SBNO1: variants seen among roughly 807,000 people sequenced by gnomAD.
SBNO1 encodes the protein protein strawberry notch homolog 1.
In SBNO1, 23 loss-of-function variants were observed where a neutral mutation model predicts 173.6. The ratio of observed to expected loss-of-function variants is 0.13; its 90% confidence interval spans 0.10 to 0.19. The LOEUF (loss-of-function observed/expected upper bound fraction) is 0.19. Ranked by LOEUF, SBNO1 falls within the 10% of genes least tolerant of loss-of-function variation. The pLI, the probability that SBNO1 is intolerant of heterozygous loss-of-function variation, is 1.00. For synonymous variants in SBNO1, 632 were observed against 571.5 expected (o/e 1.11, Z -1.51); for missense variants, 1,238 against 1,671.2 (o/e 0.74, Z 4.52).
intron 13 of SBNO1, 45 bp from the exon 14 acceptor site, chr12:123,326,379 T>C: frequency 3.0e-6 from 4 of 1,325,480 alleles, no homozygotes; most frequent in Non-Finnish European, 4.1e-6. Flanking sequence ...TCTTTGAGTC[T>C]AGTTATTTAA....
intron 2 of SBNO1, among the ~76,000 whole-genome samples, chr12:123,349,864 G>C (rs1435202408): frequency 2.0e-5 from 3 of 151,908 alleles, no homozygotes; most frequent in Non-Finnish European, 4.4e-5. Context: ...AGTGAGCTGA[G>C]ATTGCGCCAC....
chr12:123,342,522 GTACT>G (rs1367989538), intron 4 of SBNO1, among the ~76,000 whole-genome samples: 1 of 152,164 alleles, frequency 6.6e-6, no homozygotes, highest in Non-Finnish European at 1.5e-5. Context: ...TGATCTGGTG[GTACT>G]TACTAATTTT....
intron 4 of SBNO1, among the ~76,000 whole-genome samples, chr12:123,344,386 A>G (rs571137022): frequency 1.8e-3 from 273 of 152,332 alleles, no homozygotes; most frequent in African/African-American, 6.2e-3. Context: ...ACGAAAACCA[A>G]AAGACAAAAA....
At chr12:123,322,575 G>T (rs1870109530) in intron 16 of SBNO1, among the ~76,000 whole-genome samples, 1 of 151,932 alleles carries the variant, frequency 6.6e-6, no homozygotes, top group South Asian at 2.1e-4. Flanking sequence ...GGGATTACAG[G>T]CGTGAGCCAC....
chr12:123,364,116 G>A (rs1566061772), intron 1 of SBNO1: 2 of 985,608 alleles, frequency 2.0e-6, no homozygotes, highest in Non-Finnish European at 2.4e-6. Context: ...GAGGCGTGAA[G>A]GGAGCCTGCA....
At chr12:123,338,439 T>G (rs993525788) in intron 5 of SBNO1, among the ~76,000 whole-genome samples, 7 of 151,858 alleles carry the variant, frequency 4.6e-5, no homozygotes, top group African/African-American at 1.7e-4. Flanking sequence ...TCCCAGCACT[T>G]TGGGAGGCCG....
rs775152236 is a variant in SBNO1 at position 123,348,177 on chromosome 12, T to C, written c.133-44A>G. 28 of 1,077,114 alleles carry C rather than the reference T, an allele frequency of 2.6e-5. No individual in the cohort carries two copies. The Admixed American group carries it at 5.0e-4, about 19-fold the overall frequency. The allele number at this position is 1,077,114 out of a possible 1,614,324, so 66.7% of individuals were successfully genotyped here. ...CAGACAAAAAATAAAAGGACAGCAG[T>C]AAATTCTGTTTCAAGGACAAGGTTT... On this transcript the variant is annotated intron_variant, in intron 2 of 31. Transcript: ENST00000602398.
At chr12:123,327,616 A>T in intron 12 of SBNO1, 37 bp from the exon 13 acceptor site, 1 of 1,601,708 alleles carries the variant, frequency 6.2e-7, no homozygotes, top group Non-Finnish European at 8.5e-7. Flanking sequence ...TTACCAATAC[A>T]GTAGAATTTT....
chr12:123,311,748 A>ATATATATTTT (rs1255479099), intron 24 of SBNO1, among the ~76,000 whole-genome samples: 2 of 134,372 alleles, frequency 1.5e-5, no homozygotes, highest in African/African-American at 5.7e-5. Context: ...ATATATATAT[A>ATATATATTTT]TTTTTGCGAC....
chr12:123,294,081 G>C lies in SBNO1; in HGVS notation c.*1827C>G, dbSNP rs1241868739. 6.6e-6 allele frequency: 1 copy of C among 152,270 alleles called. No homozygotes were observed. The highest frequency in any genetic ancestry group is 1.5e-5 in the Non-Finnish European group (1 of 68,066). 9.4% of individuals were successfully genotyped at this position (152,270 alleles called of 1,614,324 possible). On this transcript the variant is annotated 3_prime_UTR_variant, in exon 32 of 32. Transcript: ENST00000602398. The stretch of plus-strand genomic sequence containing the variant: ...ACTGGCTGATACAAAATGGATCACT[G>C]CCTGAGATATATGAACTGGACTGAG...
chr12:123,315,263 T>A, intron 23 of SBNO1, 110 bp downstream of exon 23: 1 of 760,896 alleles, frequency 1.3e-6, no homozygotes. Flanking sequence ...TTAAAGCAAA[T>A]GCATAGGAGA....
In SBNO1 at chr12:123,302,806, A is replaced by C; in HGVS notation, c.3845+18T>G. 1 of 1,599,610 alleles carries C rather than the reference A, an allele frequency of 6.3e-7. No individual in the cohort carries two copies. Among genetic ancestry groups the C allele is most frequent in the Admixed American group, 1.7e-5 (1 of 59,430 alleles). On this transcript the variant is annotated intron_variant, in intron 30 of 31. Coordinates refer to ENST00000602398, the MANE Select transcript of SBNO1 (RefSeq NM_001167856.3). ...ATTAAATTTTGGAAAATTTGGTAGG[A>C]AACACGAAAATACTAACCAATAAGC... is the stretch of plus-strand genomic sequence containing the variant.
chr12:123,317,126 C>T, intron 21 of SBNO1, 95 bp downstream of exon 21: 1 of 1,345,708 alleles, frequency 7.4e-7, no homozygotes, highest in Non-Finnish European at 1.0e-6. Context: ...GCGTGAGCCT[C>T]TGTGCCCGGC....
chr12:123,298,300 CTT>C (rs1444218075), intron 30 of SBNO1, 129 bp from the exon 31 acceptor site: 13 of 956,190 alleles, frequency 1.4e-5, no homozygotes, highest in Non-Finnish European at 2.0e-5. Context: ...GAGTTTTGCT[CTT>C]GTTGCCCAGA....
chr12:123,297,198 A>T (rs2048627434), intron 31 of SBNO1, among the ~76,000 whole-genome samples: 1 of 150,566 alleles, frequency 6.6e-6, no homozygotes, highest in Non-Finnish European at 1.5e-5. Context: ...CATCTCCACT[A>T]AAAAAATATA....
At chr12:123,302,272 T>G (rs923763676) in intron 30 of SBNO1, among the ~76,000 whole-genome samples, 1 of 140,058 alleles carries the variant, frequency 7.1e-6, no homozygotes, top group African/African-American at 2.7e-5. Flanking sequence ...TAATGGAGTC[T>G]CGCTCTGTCC....
chr12:123,361,508 A>AT (rs763527438), intron 1 of SBNO1, among the ~76,000 whole-genome samples: 2 of 151,974 alleles, frequency 1.3e-5, no homozygotes, highest in African/African-American at 2.4e-5. Context: ...AGATCGCGCC[A>AT]TTGCACTCCA....
rs1414135437 is a variant in SBNO1 at position 123,337,436 on chromosome 12, G to GTTAAGGCAAA, written c.652-955_652-946dup. Among the ~76,000 whole-genome samples the GTTAAGGCAAA allele has an allele frequency of 1.1e-4, 16 of 152,260 alleles. No homozygotes were observed. In the East Asian group the frequency reaches 3.1e-3, roughly 29 times the overall value. ...GGAAGAGGACAACAAAAACCTACAGGTTAAGGCAAATTAAGGCAAGATCGA... is the reference window on the plus strand; with the variant it reads ...GGAAGAGGACAACAAAAACCTACAGGTTAAGGCAAATTAAGGCAAATTAAGGCAAGATCGA... On this transcript the variant is annotated intron_variant, in intron 5 of 31. Coordinates refer to ENST00000602398, the MANE Select transcript of SBNO1 (RefSeq NM_001167856.3).
intron 30 of SBNO1, among the ~76,000 whole-genome samples, chr12:123,300,797 T>TA (rs2048761224): frequency 6.6e-6 from 1 of 151,104 alleles, no homozygotes. Flanking sequence ...CTGTCTCTAC[T>TA]AAAAATACAA....
Sources: gnomAD v4.1 joint callset for allele counts (sites outside exome capture counted in the v4.1 genomes callset) on GRCh38, gnomAD v4.1.1 for gene constraint, MANE v1.5 for transcripts, NCBI Gene and HGNC (gene_info 2026-07-23, HGNC 2026-07-21) for gene names.